The following PCNX2 variants were observed in gnomAD, a reference collection of about 807,000 sequenced individuals.
PCNX2 encodes pecanex-like protein 2.
A neutral mutation model predicts 223.8 loss-of-function variants in PCNX2; 168 were observed. The ratio of observed to expected loss-of-function variants is 0.75; its 90% CI spans 0.66 to 0.85. PCNX2 has a LOEUF of 0.85. Ranked by LOEUF, PCNX2 falls within the 40% of genes least tolerant of loss-of-function variation. PCNX2 has a pLI of 0.00. For synonymous variants in PCNX2, 1,006 were observed against 1,052.6 expected (o/e 0.96, Z 0.86); for missense variants, 2,507 against 2,675.5 (o/e 0.94, Z 1.39).
At chr1:233,037,265 T>G (rs1671486667) in intron 25 of PCNX2, among the ~76,000 whole-genome samples, 1 of 152,178 alleles carries the variant, frequency 6.6e-6, no homozygotes, top group Non-Finnish European at 1.5e-5. Flanking sequence ...ATTACCTTAG[T>G]GGCAACTTCT....
chr1:233,235,957 A>AAAATATATATGTATATATATAT (rs369886650), intron 9 of PCNX2, among the ~76,000 whole-genome samples: 6 of 93,114 alleles, frequency 6.4e-5, no homozygotes, highest in African/African-American at 2.3e-4. Context: ...CATAAAAAAA[A>AAAATATATATGTATATATATAT]ATATATATAT....
At chr1:233,003,991 G>A (rs927280283) in intron 28 of PCNX2, among the ~76,000 whole-genome samples, 14 of 152,062 alleles carry the variant, frequency 9.2e-5, no homozygotes, top group East Asian at 7.7e-4. Context: ...ATCACACACC[G>A]GGGCCTGTTG....
rs1235683916 is a variant in PCNX2, at chr1:233,280,366, C to G, written c.153+14960G>C. Among the ~76,000 whole-genome samples the G allele has an allele frequency of 2.0e-5, 3 of 147,720 alleles. No individual in the cohort carries two copies. The Admixed American group carries it at 2.0e-4, about 10-fold the overall frequency. ...CCAGGCTGGAGTGCAGTGGTCTTCT[C>G]AGCTCACTGCAACCTCTGCCTCCTG... On this transcript the variant is annotated intron_variant, in intron 1 of 33. Coordinates refer to ENST00000258229, the MANE Select transcript of PCNX2 (RefSeq NM_014801.4).
At chr1:233,201,633 A>AG (rs1681123459) in intron 13 of PCNX2, 1 of 152,300 alleles carries the variant, frequency 6.6e-6, no homozygotes. Context: ...GGCAGAGGGA[A>AG]GGTCCAATGA....
At chr1:233,049,756 G>A (rs1456616805) in intron 25 of PCNX2, among the ~76,000 whole-genome samples, 1 of 151,928 alleles carries the variant, frequency 6.6e-6, no homozygotes, top group Non-Finnish European at 1.5e-5. Flanking sequence ...ATAACTTCAG[G>A]AAAGTTTCAG....
At chr1:232,984,594 GAGGTC>G (rs1397292094) in intron 33 of PCNX2, 117 bp from the exon 34 acceptor site, 15 of 1,194,938 alleles carry the variant, frequency 1.3e-5, no homozygotes, top group Non-Finnish European at 1.5e-5. Context: ...CCATATCCTT[GAGGTC>G]AGGTTCTAAA....
At position 233,139,714 on chromosome 1, in the gene PCNX2, T is replaced by C; in HGVS notation, c.3659A>G (p.His1220Arg). ...TGAAGATAAACCATTAACCACTTAC[T>C]GGGTACCAAGTCTCCGGTGATTGCT... ...LISNHRRLGT[H>R]WDIFLMIIAG... The change falls in exon 20 of 34, where the codon CAC (histidine) becomes CGC (arginine). Residue 1220 changes from histidine (H) to arginine (R), a missense_variant and splice_region_variant. Physicochemically the swap from His to Arg is conservative, Grantham distance 29 (BLOSUM62 0). Around this residue, in one of 3 missense-constraint regions of PCNX2, gnomAD observed 1,372 missense variants for 1,509.4 expected, o/e 0.91. Transcript: ENST00000258229. This position sits in a 1 kb window ranked among gnomAD's most constrained non-coding sequence, Gnocchi z 4.4. The C allele has an allele frequency of 1.3e-6, 2 of 1,597,162 alleles. No individual in the cohort carries two copies. Among genetic ancestry groups the C allele is most frequent in the Non-Finnish European group, 8.5e-7 (1 of 1,171,224 alleles).
intron 25 of PCNX2, among the ~76,000 whole-genome samples, chr1:233,027,550 T>A (rs1671123556): frequency 6.6e-6 from 1 of 152,218 alleles, no homozygotes; most frequent in Non-Finnish European, 1.5e-5. Flanking sequence ...ACCATAGACA[T>A]CCAACTCTTA....
Position 233,256,092 on chromosome 1 carries a change from C to T in PCNX2, c.1834+1936G>A, listed in dbSNP as rs533425747. On this transcript the variant is annotated intron_variant, in intron 5 of 33. Coordinates refer to ENST00000258229, the MANE Select transcript of PCNX2 (RefSeq NM_014801.4). ...TACCTTCAAGTTCTTGATAACTAAG[C>T]CTATCTCTTCCCATAGAATACCTCA... is the stretch of plus-strand genomic sequence containing the variant. Among the ~76,000 whole-genome samples, 4 of 152,290 alleles carry T rather than the reference C, an allele frequency of 2.6e-5. No individual in the cohort carries two copies. The South Asian group carries it at 8.3e-4, about 32-fold the overall frequency.
chr1:233,190,471 G>A (rs1680359258), intron 15 of PCNX2, among the ~76,000 whole-genome samples: 1 of 152,120 alleles, frequency 6.6e-6, no homozygotes, highest in Non-Finnish European at 1.5e-5. Flanking sequence ...CAAAGGAGAA[G>A]GAAGAAATTC....
intron 19 of PCNX2, among the ~76,000 whole-genome samples, chr1:233,148,698 G>A (rs1422283812): frequency 2.6e-5 from 4 of 152,008 alleles, no homozygotes; most frequent in Admixed American, 1.3e-4. Context: ...CACCATGCCC[G>A]GCCTTAATTT....
intron 5 of PCNX2, among the ~76,000 whole-genome samples, chr1:233,257,291 G>A (rs939947511): frequency 6.6e-6 from 1 of 151,868 alleles, no homozygotes; most frequent in African/African-American, 2.4e-5. Flanking sequence ...GAAAATTTCT[G>A]AGACTCATCC....
the PCNX2 span, among the ~76,000 whole-genome samples, chr1:233,304,681 T>G: frequency 2.6e-5 from 4 of 152,306 alleles, no homozygotes; most frequent in South Asian, 6.2e-4. Context: ...TACTCATTTG[T>G]AGCACTAGGT....
At chr1:233,167,822 T>A in intron 17 of PCNX2, 3 of 974,186 alleles carry the variant, frequency 3.1e-6, no homozygotes, top group Non-Finnish European at 3.7e-6. Context: ...CTTTGGTTGG[T>A]TTTCTTGTTA....
intron 13 of PCNX2, among the ~76,000 whole-genome samples, chr1:233,206,128 T>C (rs1681442970): frequency 1.3e-5 from 2 of 152,106 alleles, no homozygotes; most frequent in East Asian, 3.9e-4. Flanking sequence ...CACAGATCCC[T>C]GGGACCTGTA....
intron 23 of PCNX2, among the ~76,000 whole-genome samples, chr1:233,071,147 T>C (rs1023260466): frequency 5.9e-5 from 9 of 152,236 alleles, no homozygotes; most frequent in Admixed American, 1.3e-4. Flanking sequence ...ATGTCCACTT[T>C]AGCTGCTCTT....
chr1:233,230,023 ATTGAACAAAATACTTAT>A (rs1657970511), intron 9 of PCNX2, among the ~76,000 whole-genome samples: 1 of 152,208 alleles, frequency 6.6e-6, no homozygotes, highest in Non-Finnish European at 1.5e-5. Flanking sequence ...GTTTTCACTC[ATTGAACAAAATACTTAT>A]TGTGTAGGTT....
rs144428138 is a variant in PCNX2 at position 233,220,658 on chromosome 1, T to C, written c.2505-2474A>G. On this transcript the variant is annotated intron_variant, in intron 10 of 33. Transcript: ENST00000258229. ...TTTTCTTACTGTTGAGTTTTAAGTGTTCTTTGTATACTGGATGACAATCCT... is the reference window on the plus strand; with the variant it reads ...TTTTCTTACTGTTGAGTTTTAAGTGCTCTTTGTATACTGGATGACAATCCT... 7.4e-4 allele frequency among the ~76,000 whole-genome samples: 112 copies of C among 152,342 alleles called. 1 individual carries two copies. The East Asian group carries it at 0.02, about 28-fold the overall frequency.
intron 21 of PCNX2, among the ~76,000 whole-genome samples, chr1:233,127,666 G>A (rs531488397): frequency 1.3e-5 from 2 of 152,092 alleles, no homozygotes; most frequent in South Asian, 2.1e-4. Flanking sequence ...ATAGCTAAGA[G>A]ACTTTCTGGC....
Sources: gnomAD v4.1 joint callset for allele counts (sites outside exome capture counted in the v4.1 genomes callset) on GRCh38, gnomAD v4.1.1 for gene constraint, gnomAD v4.1.1 regional missense constraint, Gnocchi (gnomAD v3.1) non-coding constraint, MANE v1.5 for transcripts, NCBI Gene and HGNC (gene_info 2026-07-23, HGNC 2026-07-21) for gene names.